Variants in WARS1 observed in about 807,000 individuals in gnomAD.
WARS1 encodes the protein tryptophan--tRNA ligase, cytoplasmic.
WARS1 carries 17 observed loss-of-function variants against 47.8 expected under a neutral mutation model. The observed-to-expected ratio is 0.36, with a 90% CI of 0.24 to 0.53. The LOEUF is 0.53. Ranked by LOEUF, WARS1 falls within the 20% of genes least tolerant of loss-of-function variation. WARS1 has a pLI of 0.91. For synonymous variants in WARS1, 208 were observed against 228.1 expected (o/e 0.91, Z 0.79); for missense variants, 434 against 608.0 (o/e 0.71, Z 3.01).
chr14:100,344,920 G>A (rs12880435), intron 7 of WARS1, among the ~76,000 whole-genome samples: 1 of 149,936 alleles, frequency 6.7e-6, no homozygotes, highest in Non-Finnish European at 1.5e-5. Context: ...GAGCGTCTCC[G>A]CCCAGCAGCC....
chr14:100,345,114 G>T (rs1894500877), intron 7 of WARS1, among the ~76,000 whole-genome samples: 1 of 147,508 alleles, frequency 6.8e-6, no homozygotes, highest in Non-Finnish European at 1.5e-5. Context: ...CTGCCCGGCC[G>T]CCCCTACTGG....
intron 9 of WARS1, 123 bp from the exon 10 acceptor site, chr14:100,337,325 G>A: frequency 2.8e-6 from 4 of 1,440,278 alleles, no homozygotes; most frequent in Non-Finnish European, 3.8e-6. Flanking sequence ...ACCCGGGAAA[G>A]GCCAAGGCGC....
chr14:100,362,005 GT>G, intron 2 of WARS1, 84 bp from the exon 3 acceptor site: 5 of 1,417,656 alleles, frequency 3.5e-6, no homozygotes, highest in Non-Finnish European at 4.9e-6. Flanking sequence ...CAGGCACTGT[GT>G]TAAATGCTTT....
chr14:100,354,042 A>G (rs1895163552), intron 5 of WARS1, 173 bp from the exon 6 acceptor site: 2 of 627,572 alleles, frequency 3.2e-6, no homozygotes, highest in African/African-American at 3.7e-5. Flanking sequence ...AAGGTCTACT[A>G]CCATTTATCG....
intron 1 of WARS1, among the ~76,000 whole-genome samples, chr14:100,371,560 C>A (rs1386800230): frequency 6.6e-6 from 1 of 151,466 alleles, no homozygotes; most frequent in Non-Finnish European, 1.5e-5. Flanking sequence ...CATGGTGAAA[C>A]CCCATCTTCA....
intron 1 of WARS1, among the ~76,000 whole-genome samples, chr14:100,372,209 A>G (rs1273927664): frequency 6.6e-6 from 1 of 152,106 alleles, no homozygotes; most frequent in East Asian, 1.9e-4. Flanking sequence ...GGTGAAATAA[A>G]CAACCTTGTT....
chr14:100,371,552 T>G lies in WARS1; in HGVS notation c.-73-2294A>C, dbSNP rs531208867. Among the ~76,000 whole-genome samples the G allele has an allele frequency of 6.6e-5, 10 of 150,878 alleles. No individual in the cohort carries two copies. The East Asian group carries it at 1.9e-3, about 29-fold the overall frequency. On this transcript the variant is annotated intron_variant, in intron 1 of 10. Transcript: ENST00000392882. ...TGGATCAAGACCAGCCTGGCCCACA[T>G]GGTGAAACCCCATCTTCACTAAAAA...
rs184746754 is a variant in WARS1, at chr14:100,350,119, G to A, written c.726-3273C>T. Among the ~76,000 whole-genome samples the A allele has an allele frequency of 2.3e-3, 351 of 152,196 alleles. 1 individual carries two copies. The highest frequency in any genetic ancestry group is 7.8e-3 in the African/African-American group (324 of 41,508). On this transcript the variant is annotated intron_variant, in intron 6 of 10. Transcript: ENST00000392882. ...GTTTGTAAGAAAAAAGGAAGTTCCC[G>A]ACCAGGTGCAGTGGCTCACGCATCC...
At chr14:100,342,665 C>A in intron 8 of WARS1, 94 bp from the exon 9 acceptor site, 1 of 1,221,264 alleles carries the variant, frequency 8.2e-7, no homozygotes, top group Non-Finnish European at 1.1e-6. Flanking sequence ...CCAGAAGGCT[C>A]TCATGCTTCC....
chr14:100,361,722 T>C lies in WARS1; in HGVS notation c.299A>G (p.Tyr100Cys). ...VQTSSAKGID[Y>C]DKLIVRFGSS... ...AGAGGACGTACCAATGAGCTTATCGTAGTCTATGCCTTTTGCACTGCTTGT... is the reference window on the plus strand; with the variant it reads ...AGAGGACGTACCAATGAGCTTATCGCAGTCTATGCCTTTTGCACTGCTTGT... The change falls in exon 3 of 11, where the codon TAC becomes TGC. Residue 100 changes from tyrosine (Y) to cysteine (C), a missense_variant. Physicochemically the swap from Tyr to Cys is radical, Grantham distance 194. Around this residue, in one of 2 missense-constraint regions of WARS1, gnomAD observed 347 missense variants for 523.8 expected, o/e 0.66. Transcript: ENST00000392882. 1 of 1,614,172 alleles carries C rather than the reference T, an allele frequency of 6.2e-7. No individual in the cohort carries two copies. Among genetic ancestry groups the C allele is most frequent in the Non-Finnish European group, 8.5e-7 (1 of 1,180,038 alleles).
chr14:100,374,587 A>G (rs988214768), intron 1 of WARS1, among the ~76,000 whole-genome samples: 2 of 152,242 alleles, frequency 1.3e-5, no homozygotes, highest in Non-Finnish European at 2.9e-5. Context: ...CTTGGGTTGC[A>G]TCAAAATCAT....
Position 100,346,816 on chromosome 14 carries a change from C to T in WARS1, c.756G>A (p.Val252=), listed in dbSNP as rs1313726047. The part of the protein sequence containing the change: ...GMSSGFYKNV[V]KIQKHVTFNQ... Reference sequence around the variant, plus strand: ...TGAAGGTAACATGCTTTTGAATCTTCACCACATTTTTGTAGAAACCTGAGC... The same window carrying T: ...TGAAGGTAACATGCTTTTGAATCTTTACCACATTTTTGTAGAAACCTGAGC... Residue 252 remains valine (V), a synonymous_variant, in exon 7 of 11, where the codon GTG becomes GTA. Coordinates refer to ENST00000392882, the MANE Select transcript of WARS1 (RefSeq NM_004184.4). 6.2e-7 allele frequency: 1 copy of T among 1,613,978 alleles called. No individual in the cohort carries two copies. Among genetic ancestry groups the T allele is most frequent in the Admixed American group, 1.7e-5 (1 of 60,028 alleles).
At chr14:100,363,511 C>T (rs8018305) in intron 2 of WARS1, among the ~76,000 whole-genome samples, 50,265 of 151,790 alleles carry the variant, frequency 0.33, 9,087 homozygotes, top group East Asian at 0.53. Flanking sequence ...CCCTAGGCAA[C>T]ATGGCAAAAC....
intron 4 of WARS1, among the ~76,000 whole-genome samples, chr14:100,357,294 CG>C (rs1363280273): frequency 6.7e-6 from 1 of 149,550 alleles, no homozygotes; most frequent in Non-Finnish European, 1.5e-5. Context: ...AAATTAGGAA[CG>C]AAAAAAAAAT....
Position 100,334,952 on chromosome 14 carries a change from C to T in WARS1, c.1339G>A (p.Ala447Thr). The change falls in exon 11 of 11, where the codon GCC (alanine) becomes ACC (threonine). Residue 447 changes from alanine (A) to threonine (T), a missense_variant. Physicochemically the swap from Ala to Thr is moderately conservative, Grantham distance 58 (BLOSUM62 0). Coordinates refer to ENST00000392882, the MANE Select transcript of WARS1 (RefSeq NM_004184.4). ...TCATCCGTGACCTCCTTGCGCCGGG[C>T]CTGGTGCTCTGCGATCAAGGGCTGC... ...VLQPLIAEHQ[A>T]RRKEVTDEIV... 1 of 1,614,200 alleles carries T rather than the reference C, an allele frequency of 6.2e-7. No individual in the cohort carries two copies. Among genetic ancestry groups the T allele is most frequent in the Non-Finnish European group, 8.5e-7 (1 of 1,180,034 alleles).
chr14:100,368,859 G>A (rs540416173), intron 2 of WARS1, among the ~76,000 whole-genome samples: 2 of 152,204 alleles, frequency 1.3e-5, no homozygotes, highest in Non-Finnish European at 2.9e-5. Context: ...TACTTGGGAG[G>A]CTGAGGCAGG....
intron 1 of WARS1, chr14:100,370,515 C>T (rs1008456589): frequency 2.0e-5 from 3 of 152,206 alleles, no homozygotes; most frequent in South Asian, 2.1e-4. Flanking sequence ...TTCATTTTAA[C>T]TTGCTGTAAA....
chr14:100,343,321 C>T lies in WARS1; in HGVS notation c.893G>A (p.Arg298Gln), dbSNP rs549798901. 211 of 1,613,326 alleles carry T rather than the reference C, an allele frequency of 1.3e-4. 2 individuals are homozygous for T. In the South Asian group the frequency reaches 1.9e-3, roughly 15 times the overall value. The change falls in exon 8 of 11, where the codon CGA (arginine) becomes CAA (glutamine). Residue 298 changes from arginine to glutamine, a missense_variant. By Grantham distance (43) the Arg-to-Gln change is conservative (BLOSUM62 1). Transcript: ENST00000392882. ...AAGGCACTGGATATCCGTCCTGTCT[C>T]GGAAGATCTGTGGGAATGAGTTGCT... ...SFSNSFPQIF[R>Q]DRTDIQCLIP... is the part of the protein sequence containing the mutation.
In WARS1 at chr14:100,346,771, G is replaced by A. The variant is rs150850583; in HGVS notation, c.801C>T (p.Phe267=). 498 of 1,614,078 alleles carry A rather than the reference G, an allele frequency of 3.1e-4. 1 individual carries two copies. The African/African-American group carries it at 4.9e-3, about 16-fold the overall frequency. ...HVTFNQVKGI[F]GFTDSDCIGK... Reference sequence around the variant, plus strand: ...CAATGCAGTCGCTGTCAGTGAAGCCGAAAATGCCTTTCACTTGGTTGAAGG... The same window carrying A: ...CAATGCAGTCGCTGTCAGTGAAGCCAAAAATGCCTTTCACTTGGTTGAAGG... Residue 267 remains phenylalanine (F), a synonymous_variant, in exon 7 of 11, where the codon TTC becomes TTT. Transcript: ENST00000392882.
Sources: allele counts gnomAD v4.1 joint callset (sites outside exome capture counted in the v4.1 genomes callset), GRCh38; gene constraint gnomAD v4.1.1; regional missense constraint gnomAD v4.1.1; transcripts MANE v1.5; gene names NCBI Gene and HGNC (gene_info 2026-07-23, HGNC 2026-07-21).